Variants in EFCAB13 observed in about 807,000 individuals in gnomAD.
The protein encoded by EFCAB13 is EF-hand calcium binding domain 13, also known as EF-hand calcium-binding domain-containing protein 13.
A neutral mutation model predicts 110.2 loss-of-function variants in EFCAB13; 91 were observed. That is an observed-to-expected ratio of 0.83 (90% CI 0.70 to 0.98). The LOEUF is 0.98. Ranked by LOEUF, EFCAB13 falls within the 50% of genes least tolerant of loss-of-function variation. EFCAB13 has a pLI of 0.00. For synonymous variants in EFCAB13, 323 were observed against 369.9 expected, an observed-to-expected ratio of 0.87 and a Z score of 1.45; for missense variants, 968 against 1,119.4, an observed-to-expected ratio of 0.86 and a Z score of 1.93.
chr17:47,410,146 C>G (rs563382585), intron 21 of EFCAB13, among the ~76,000 whole-genome samples: 1 of 151,926 alleles, frequency 6.6e-6, no homozygotes, highest in African/African-American at 2.4e-5. Flanking sequence ...TCATTTCTTA[C>G]AATTCTAGAG....
intron 14 of EFCAB13, among the ~76,000 whole-genome samples, chr17:47,387,106 G>A (rs2065681064): frequency 6.6e-6 from 1 of 152,184 alleles, no homozygotes; most frequent in Non-Finnish European, 1.5e-5. Context: ...AGCAGTCTCA[G>A]TGTTTGCATA....
Position 47,429,958 on chromosome 17 carries a change from C to A in EFCAB13, c.2635C>A (p.His879Asn). ...TGTAATGTTAAGACATGTACCTGAACATGGTTAGTAGTTTCAATGCGTCTA... is the reference window on the plus strand; with the variant it reads ...TGTAATGTTAAGACATGTACCTGAAAATGGTTAGTAGTTTCAATGCGTCTA... Reference protein sequence around the residue: ...LTVMLRHVPEHESGKVSIQEF... With the variant: ...LTVMLRHVPENESGKVSIQEF... Residue 879 changes from histidine to asparagine, a missense_variant, in exon 24 of 25, where the codon CAT becomes AAT. Physicochemically the swap from His to Asn is moderately conservative, Grantham distance 68. Transcript: ENST00000331493. 1 of 1,601,100 alleles carries A rather than the reference C, an allele frequency of 6.2e-7. No homozygotes were observed. Among genetic ancestry groups the A allele is most frequent in the Non-Finnish European group, 8.5e-7 (1 of 1,172,126 alleles).
chr17:47,408,372 T>TG (rs1265267562), intron 20 of EFCAB13, among the ~76,000 whole-genome samples: 1 of 152,068 alleles, frequency 6.6e-6, no homozygotes. Context: ...GTAATCAGGC[T>TG]GGGGGAAGTG....
intron 14 of EFCAB13, among the ~76,000 whole-genome samples, chr17:47,391,222 G>A (rs998119947): frequency 6.6e-6 from 1 of 152,118 alleles, no homozygotes; most frequent in Non-Finnish European, 1.5e-5. Flanking sequence ...TTACAGGTGT[G>A]AGCTACTGTG....
intron 17 of EFCAB13, among the ~76,000 whole-genome samples, chr17:47,401,395 C>T (rs1270585304): frequency 1.3e-5 from 2 of 152,138 alleles, no homozygotes; most frequent in Non-Finnish European, 2.9e-5. Context: ...TAATCTAGTA[C>T]TTGTGTACTG....
chr17:47,360,337 A>G (rs1397338301), intron 9 of EFCAB13, among the ~76,000 whole-genome samples: 1 of 152,070 alleles, frequency 6.6e-6, no homozygotes, highest in Non-Finnish European at 1.5e-5. Context: ...GTGAGATGGT[A>G]TCTCATTGTG....
At chr17:47,436,141 T>C (rs1905209442) in intron 24 of EFCAB13, among the ~76,000 whole-genome samples, 1 of 152,216 alleles carries the variant, frequency 6.6e-6, no homozygotes, top group South Asian at 2.1e-4. Context: ...TCATGGTGGA[T>C]TATCTTTTTG....
At chr17:47,361,544 T>A in intron 10 of EFCAB13, 23 bp downstream of exon 10, 1 of 1,573,080 alleles carries the variant, frequency 6.4e-7, no homozygotes, top group Non-Finnish European at 8.7e-7. Flanking sequence ...CATTGAGATA[T>A]ATATGTCCAT....
intron 22 of EFCAB13, among the ~76,000 whole-genome samples, chr17:47,413,699 A>G (rs1483159374): frequency 2.0e-5 from 3 of 152,090 alleles, no homozygotes; most frequent in Non-Finnish European, 4.4e-5. Flanking sequence ...CCCACATGAG[A>G]TGCATGCTGG....
At chr17:47,381,179 A>G (rs996812938) in intron 14 of EFCAB13, among the ~76,000 whole-genome samples, 1 of 151,584 alleles carries the variant, frequency 6.6e-6, no homozygotes, top group Admixed American at 6.6e-5. Context: ...GTCTGTTCAT[A>G]TCCTTCACCC....
chr17:47,335,075 C>T (rs769715689), intron 4 of EFCAB13, 121 bp from the exon 5 acceptor site: 3 of 1,125,434 alleles, frequency 2.7e-6, no homozygotes, highest in Non-Finnish European at 3.7e-6. Context: ...CAACAAAATT[C>T]TCTTCGGTAG....
At chr17:47,352,183 C>G (rs112709771) in intron 9 of EFCAB13, among the ~76,000 whole-genome samples, 1 of 151,584 alleles carries the variant, frequency 6.6e-6, no homozygotes, top group Non-Finnish European at 1.5e-5. Context: ...ATTACAGGCG[C>G]GAGCCACCAC....
chr17:47,382,936 TATTA>T (rs1318044184), intron 14 of EFCAB13, among the ~76,000 whole-genome samples: 4 of 152,188 alleles, frequency 2.6e-5, no homozygotes, highest in Admixed American at 6.5e-5. Context: ...GTTGGTAGGT[TATTA>T]ATTACTGTCT....
At chr17:47,336,087 G>C (rs72825647) in intron 5 of EFCAB13, among the ~76,000 whole-genome samples, 9,897 of 152,120 alleles carry the variant, frequency 0.065, 375 homozygotes, top group East Asian at 0.17. Flanking sequence ...CTTTCCTCTA[G>C]GCTTGGCTTT....
intron 23 of EFCAB13, among the ~76,000 whole-genome samples, chr17:47,429,382 G>T (rs1905060657): frequency 1.3e-5 from 2 of 152,192 alleles, no homozygotes; most frequent in African/African-American, 2.4e-5. Context: ...AAGGGATAAA[G>T]GTTGACTACC....
chr17:47,335,734 G>C (rs189506365), intron 5 of EFCAB13, among the ~76,000 whole-genome samples: 1 of 152,292 alleles, frequency 6.6e-6, no homozygotes, highest in Non-Finnish European at 1.5e-5. Context: ...GGGGGAGCAA[G>C]CATATCTTCA....
At position 47,416,425 on chromosome 17, in the gene EFCAB13, CTCTT is replaced by C. The variant is rs1277087319; in HGVS notation, c.2494+1508_2494+1511del. ...CTTTTATACAGCATATGCTTTCTTT[CTCTT>C]TTTTTCAACTTTTATTTTAGATTCA... On this transcript the variant is annotated intron_variant, in intron 23 of 24. Transcript: ENST00000331493. Among the ~76,000 whole-genome samples the C allele has an allele frequency of 4.6e-5, 7 of 152,080 alleles. No individual in the cohort carries two copies. The East Asian group carries it at 1.4e-3, about 29-fold the overall frequency.
In EFCAB13 at chr17:47,337,530, CATT is replaced by C. The variant is rs1334008704; in HGVS notation, c.191+2178_191+2180del. Among the ~76,000 whole-genome samples, 3 of 152,168 alleles carry C rather than the reference CATT, an allele frequency of 2.0e-5. No individual in the cohort carries two copies. The East Asian group carries it at 5.8e-4, about 29-fold the overall frequency. ...TACAGGACAAATGTTTTTACTTATT[CATT>C]ATTTATACCAAATCATCCTTATTCT... On this transcript the variant is annotated intron_variant, in intron 5 of 24. Coordinates refer to ENST00000331493, the MANE Select transcript of EFCAB13 (RefSeq NM_152347.5).
chr17:47,385,211 C>G (rs1167096881), intron 14 of EFCAB13, among the ~76,000 whole-genome samples: 1 of 152,130 alleles, frequency 6.6e-6, no homozygotes, highest in Non-Finnish European at 1.5e-5. Flanking sequence ...TGGGGAAGTT[C>G]TCCCAGATAA....
Sources: gnomAD v4.1 joint callset for allele counts (sites outside exome capture counted in the v4.1 genomes callset) on GRCh38, gnomAD v4.1.1 for gene constraint, MANE v1.5 for transcripts, NCBI Gene and HGNC (gene_info 2026-07-23, HGNC 2026-07-21) for gene names.